The following SLC38A4 variants were observed in gnomAD, a reference collection of about 807,000 sequenced individuals.
SLC38A4 encodes the protein sodium-coupled neutral amino acid transporter 4.
SLC38A4 carries 20 observed loss-of-function variants against 63.1 expected under a neutral mutation model. That is an observed-to-expected ratio of 0.32 (90% confidence interval 0.22 to 0.46). The LOEUF is 0.46. Among genes scored for constraint, SLC38A4 ranks in the 20% least tolerant of loss-of-function variants. SLC38A4 has a pLI of 1.00. For missense variants in SLC38A4, 526 were observed against 663.6 expected (o/e 0.79, Z 2.28); for synonymous variants, 230 against 225.5 (o/e 1.02, Z -0.18).
chr12:46,804,573 G>A (rs1592190922), intron 1 of SLC38A4, among the ~76,000 whole-genome samples: 1 of 152,098 alleles, frequency 6.6e-6, no homozygotes, highest in East Asian at 1.9e-4. Flanking sequence ...TACAACAGAT[G>A]TGTCAATTCC....
At chr12:46,812,488 G>A (rs1054415888) in intron 1 of SLC38A4, among the ~76,000 whole-genome samples, 2 of 151,996 alleles carry the variant, frequency 1.3e-5, no homozygotes, top group Non-Finnish European at 2.9e-5. Context: ...TGATTCAGAA[G>A]ATCTGGGTTC....
At chr12:46,772,781 G>T (rs936528360) in intron 14 of SLC38A4, among the ~76,000 whole-genome samples, 4 of 152,042 alleles carry the variant, frequency 2.6e-5, no homozygotes, top group African/African-American at 9.7e-5. Flanking sequence ...CAGTTACCAT[G>T]TTGAAAGAAG....
intron 1 of SLC38A4, among the ~76,000 whole-genome samples, chr12:46,808,407 C>T (rs1257900641): frequency 6.6e-6 from 1 of 151,968 alleles, no homozygotes; most frequent in African/African-American, 2.4e-5. Context: ...TAGTCAACTA[C>T]TATGTTGCAA....
At chr12:46,801,725 C>T (rs1316797331) in intron 2 of SLC38A4, among the ~76,000 whole-genome samples, 1 of 152,070 alleles carries the variant, frequency 6.6e-6, no homozygotes, top group Non-Finnish European at 1.5e-5. Context: ...TTTTACACTA[C>T]AATCAGTCTA....
At position 46,778,240 on chromosome 12, in the gene SLC38A4, G is replaced by A. The variant is rs774725776; in HGVS notation, c.1073+49C>T. 8.4e-6 allele frequency: 13 copies of A among 1,555,042 alleles called. No homozygotes were observed. In the East Asian group the frequency reaches 2.0e-4, roughly 24 times the overall value. On this transcript the variant is annotated intron_variant, in intron 12 of 16. Coordinates refer to ENST00000266579, the MANE Select transcript of SLC38A4 (RefSeq NM_018018.5). The stretch of plus-strand genomic sequence containing the variant: ...CCTGTTAAAGAATCTTTGAACATAT[G>A]AGCAGAATTTCAAAGCAAATTAGAA...
At chr12:46,832,350 A>G (rs1212320938) in exon 1 of SLC38A4, 1 of 152,142 alleles carries the variant, frequency 6.6e-6, no homozygotes, top group African/African-American at 2.4e-5. Context: ...TACCCTTTCC[A>G]GACTGGGATT....
chr12:46,800,182 T>C (rs988907893), intron 2 of SLC38A4, among the ~76,000 whole-genome samples: 7 of 152,212 alleles, frequency 4.6e-5, no homozygotes, highest in African/African-American at 7.2e-5. Flanking sequence ...CTCCTACTCA[T>C]GTCCAACGTA....
chr12:46,800,354 G>A (rs898876696), intron 2 of SLC38A4, among the ~76,000 whole-genome samples: 2 of 151,990 alleles, frequency 1.3e-5, no homozygotes, highest in Non-Finnish European at 2.9e-5. Context: ...ACACTGGAAG[G>A]TCTATATACT....
chr12:46,813,135 C>A (rs1208917190), intron 1 of SLC38A4, among the ~76,000 whole-genome samples: 1 of 151,852 alleles, frequency 6.6e-6, no homozygotes, highest in Non-Finnish European at 1.5e-5. Flanking sequence ...TTCTGACTGA[C>A]CATAAGCCTT....
chr12:46,768,160 C>T, intron 16 of SLC38A4, 150 bp downstream of exon 16: 1 of 539,512 alleles, frequency 1.9e-6, no homozygotes, highest in South Asian at 2.2e-5. Context: ...GAAATATGTC[C>T]CCTTTCTCTG....
At chr12:46,808,967 T>C (rs1174103465) in intron 1 of SLC38A4, among the ~76,000 whole-genome samples, 5 of 152,120 alleles carry the variant, frequency 3.3e-5, no homozygotes, top group Non-Finnish European at 5.9e-5. Context: ...TTCATAGCAA[T>C]TGATAGTTTA....
Position 46,776,980 on chromosome 12 carries a change from C to A in SLC38A4, c.1098G>T (p.Thr366=), listed in dbSNP as rs201247215. The A allele has an allele frequency of 1.2e-6, 2 of 1,611,544 alleles. No individual in the cohort carries two copies. Among genetic ancestry groups the A allele is most frequent in the Admixed American group, 1.7e-5 (1 of 59,798 alleles). ...LKDRSRRKMQ[T]VSNISITGML... ...TCCCCGTGATGGAAATATTTGACAC[C>A]GTTTGCATTTTTCTCCGGGACCGAC... The change falls in exon 13 of 17, where the codon ACG becomes ACT. Residue 366 remains threonine (T), a synonymous_variant. Coordinates refer to ENST00000266579, the MANE Select transcript of SLC38A4 (RefSeq NM_018018.5).
intron 7 of SLC38A4, among the ~76,000 whole-genome samples, chr12:46,784,074 T>C (rs1938706130): frequency 6.6e-6 from 1 of 152,064 alleles, no homozygotes; most frequent in South Asian, 2.1e-4. Context: ...TTAGTAAACT[T>C]CCAGAGACAC....
chr12:46,829,148 A>G (rs1216146294), upstream of SLC38A4, among the ~76,000 whole-genome samples: 1 of 152,222 alleles, frequency 6.6e-6, no homozygotes, highest in Non-Finnish European at 1.5e-5. Flanking sequence ...GATAACAAAT[A>G]CCTATAGAAT....
At chr12:46,813,266 C>G (rs1449518470) in intron 1 of SLC38A4, among the ~76,000 whole-genome samples, 1 of 151,986 alleles carries the variant, frequency 6.6e-6, no homozygotes, top group Non-Finnish European at 1.5e-5. Context: ...ATACCTATAT[C>G]TATGTCTGTA....
At chr12:46,784,754 A>C (rs901305904) in intron 6 of SLC38A4, 120 bp from the exon 7 acceptor site, 12 of 735,334 alleles carry the variant, frequency 1.6e-5, no homozygotes, top group Non-Finnish European at 2.6e-5. Flanking sequence ...AGAAATTATA[A>C]GCCCAAAAGA....
chr12:46,775,956 A>T (rs893552066), intron 13 of SLC38A4, among the ~76,000 whole-genome samples: 1 of 151,952 alleles, frequency 6.6e-6, no homozygotes, highest in African/African-American at 2.4e-5. Flanking sequence ...ATTATTTCAC[A>T]ACCGGCAAAA....
chr12:46,798,795 A>G (rs1480194216), intron 2 of SLC38A4, among the ~76,000 whole-genome samples: 1 of 151,846 alleles, frequency 6.6e-6, no homozygotes, highest in African/African-American at 2.4e-5. Context: ...GGTGAGTACA[A>G]TTTTTTTTCT....
At chr12:46,778,008 C>T (rs546693774) in intron 12 of SLC38A4, among the ~76,000 whole-genome samples, 1 of 152,040 alleles carries the variant, frequency 6.6e-6, no homozygotes, top group Non-Finnish European at 1.5e-5. Flanking sequence ...TTTAAATTCC[C>T]AACACCTGCC....
Sources: gnomAD v4.1 joint callset for allele counts (sites outside exome capture counted in the v4.1 genomes callset) on GRCh38, gnomAD v4.1.1 for gene constraint, MANE v1.5 for transcripts, NCBI Gene and HGNC (gene_info 2026-07-23, HGNC 2026-07-21) for gene names.